CHRM3: variants seen among roughly 807,000 people sequenced by gnomAD.
CHRM3 encodes the protein muscarinic acetylcholine receptor M3.
A neutral mutation model predicts 41.8 loss-of-function variants in CHRM3; 11 were observed. That is an observed-to-expected ratio of 0.26 (90% CI 0.17 to 0.44). CHRM3 has a LOEUF of 0.44. Among genes scored for constraint, CHRM3 ranks in the 20% least tolerant of loss-of-function variants. The pLI, the probability that CHRM3 is intolerant of heterozygous loss-of-function variation, is 1.00. For missense variants in CHRM3, 571 were observed against 745.4 expected, an observed-to-expected ratio of 0.77 and a Z score of 2.72; for synonymous variants, 297 against 301.4, an observed-to-expected ratio of 0.99 and a Z score of 0.15.
intron 6 of CHRM3, among the ~76,000 whole-genome samples, chr1:239,834,031 C>G (rs1392666976): frequency 6.6e-6 from 1 of 152,076 alleles, no homozygotes; most frequent in Non-Finnish European, 1.5e-5. Flanking sequence ...GAGTTCTCTC[C>G]AATCCCCGGG....
At chr1:239,825,579 A>T (rs1672390173) in intron 5 of CHRM3, among the ~76,000 whole-genome samples, 1 of 152,230 alleles carries the variant, frequency 6.6e-6, no homozygotes, top group South Asian at 2.1e-4. Flanking sequence ...GTATACCTAC[A>T]TTCATAGCAG....
chr1:239,510,449 T>C (rs1668843258), intron 2 of CHRM3, among the ~76,000 whole-genome samples: 1 of 152,144 alleles, frequency 6.6e-6, no homozygotes, highest in African/African-American at 2.4e-5. Context: ...ACAGAGAGGC[T>C]AATGGCACAA....
intron 5 of CHRM3, among the ~76,000 whole-genome samples, chr1:239,792,306 G>A (rs549026702): frequency 5.9e-5 from 9 of 152,172 alleles, no homozygotes; most frequent in Non-Finnish European, 1.2e-4. Context: ...AAGACATGAA[G>A]ATCTCACAGA....
intron 1 of CHRM3, among the ~76,000 whole-genome samples, chr1:239,474,622 T>A (rs1317371811): frequency 3.9e-5 from 6 of 151,990 alleles, no homozygotes; most frequent in Non-Finnish European, 8.8e-5. Context: ...AGACAAATAA[T>A]CAAAAAATTA....
chr1:239,672,324 C>T (rs61834817), intron 4 of CHRM3, among the ~76,000 whole-genome samples: 4,890 of 152,112 alleles, frequency 0.032, 116 homozygotes, highest in Admixed American at 0.059. Flanking sequence ...CAGCAGGAGA[C>T]AAGACCTCAG....
chr1:239,482,078 T>G (rs1666892386), intron 1 of CHRM3, among the ~76,000 whole-genome samples: 1 of 152,168 alleles, frequency 6.6e-6, no homozygotes, highest in Non-Finnish European at 1.5e-5. Context: ...CATTTTCTCT[T>G]CTTTTATATT....
intron 5 of CHRM3, among the ~76,000 whole-genome samples, chr1:239,740,655 C>T (rs1448887673): frequency 6.6e-6 from 1 of 152,038 alleles, no homozygotes; most frequent in African/African-American, 2.4e-5. Flanking sequence ...GTGTGTGATG[C>T]TCCCCTCCCT....
At chr1:239,570,512 T>C (rs1661729189) in intron 3 of CHRM3, among the ~76,000 whole-genome samples, 1 of 152,220 alleles carries the variant, frequency 6.6e-6, no homozygotes, top group Non-Finnish European at 1.5e-5. Context: ...CTCTTTCTGT[T>C]ATTTTCTCAT....
At chr1:239,550,917 G>A (rs1219870168) in intron 3 of CHRM3, among the ~76,000 whole-genome samples, 2 of 151,720 alleles carry the variant, frequency 1.3e-5, no homozygotes, top group East Asian at 1.9e-4. Flanking sequence ...TAGTTCTTAA[G>A]GTTTTCTTTT....
At chr1:239,855,876 A>C (rs1176878336) in intron 6 of CHRM3, among the ~76,000 whole-genome samples, 1 of 152,130 alleles carries the variant, frequency 6.6e-6, no homozygotes, top group Admixed American at 6.6e-5. Flanking sequence ...ATGCATTTCA[A>C]ACTTGGTTGT....
At chr1:239,555,505 G>T (rs182093514) in intron 3 of CHRM3, among the ~76,000 whole-genome samples, 1 of 152,170 alleles carries the variant, frequency 6.6e-6, no homozygotes, top group East Asian at 1.9e-4. Context: ...AAACAGGAAT[G>T]GGGCAGAAGC....
chr1:239,440,434 G>A (rs764178256), intron 1 of CHRM3, among the ~76,000 whole-genome samples: 3 of 152,094 alleles, frequency 2.0e-5, no homozygotes, highest in Non-Finnish European at 4.4e-5. Flanking sequence ...ACCAGCTTGG[G>A]CAACTTAGTA....
intron 2 of CHRM3, among the ~76,000 whole-genome samples, chr1:239,529,564 A>T (rs569294366): frequency 6.9e-6 from 1 of 145,304 alleles, no homozygotes; most frequent in Non-Finnish European, 1.5e-5. Flanking sequence ...GTGAGCCAAG[A>T]TCGTGTTGCT....
At chr1:239,790,793 C>T (rs1051482860) in intron 5 of CHRM3, among the ~76,000 whole-genome samples, 1 of 152,100 alleles carries the variant, frequency 6.6e-6, no homozygotes, top group East Asian at 1.9e-4. Flanking sequence ...CTTCCTGGAG[C>T]ACAAATGTGA....
intron 5 of CHRM3, among the ~76,000 whole-genome samples, chr1:239,690,943 G>A (rs962494899): frequency 3.3e-5 from 5 of 152,042 alleles, no homozygotes; most frequent in African/African-American, 9.7e-5. Flanking sequence ...TTGAAGTGAT[G>A]TTGATGTTTG....
chr1:239,658,630 G>C (rs1333109908), intron 4 of CHRM3, among the ~76,000 whole-genome samples: 1 of 152,076 alleles, frequency 6.6e-6, no homozygotes, highest in Non-Finnish European at 1.5e-5. Flanking sequence ...GATTGATTAA[G>C]GACTATGCAC....
At chr1:239,681,687 A>G (rs993804431) in intron 5 of CHRM3, among the ~76,000 whole-genome samples, 3 of 152,158 alleles carry the variant, frequency 2.0e-5, no homozygotes, top group Non-Finnish European at 4.4e-5. Context: ...TGAGACCAGG[A>G]GTCGAGACCG....
chr1:239,665,314 C>T (rs1673670317), intron 4 of CHRM3, among the ~76,000 whole-genome samples: 1 of 152,098 alleles, frequency 6.6e-6, no homozygotes, highest in Non-Finnish European at 1.5e-5. Flanking sequence ...TGCTAGGCTC[C>T]TCAGCATCGT....
intron 5 of CHRM3, among the ~76,000 whole-genome samples, chr1:239,762,290 G>GT (rs1456926801): frequency 6.6e-6 from 1 of 152,090 alleles, no homozygotes; most frequent in Non-Finnish European, 1.5e-5. Flanking sequence ...CAGTTTTGCG[G>GT]TTTTTTACTT....
Sources: allele counts gnomAD v4.1 joint callset (sites outside exome capture counted in the v4.1 genomes callset), GRCh38; gene constraint gnomAD v4.1.1; transcripts MANE v1.5; gene names NCBI Gene and HGNC (gene_info 2026-07-23, HGNC 2026-07-21).